CCDC88A: variants seen among roughly 807,000 people sequenced by gnomAD.
CCDC88A encodes coiled-coil and HOOK domain protein 88A.
A neutral mutation model predicts 234.3 loss-of-function variants in CCDC88A; 54 were observed. The observed-to-expected ratio is 0.23, with a 90% CI of 0.19 to 0.29. CCDC88A has a LOEUF of 0.29. Ranked by LOEUF, CCDC88A falls within the 10% of genes least tolerant of loss-of-function variation. The probability of loss-of-function intolerance (pLI) is 1.00; values close to 1 mark genes in which losing one functional copy is unlikely to be tolerated. For synonymous variants in CCDC88A, 753 were observed against 737.8 expected, an observed-to-expected ratio of 1.02 and a Z score of -0.33; for missense variants, 1,832 against 2,123.4, an observed-to-expected ratio of 0.86 and a Z score of 2.70.
At chr2:55,346,382 T>A (rs372470722) in intron 9 of CCDC88A, 49 bp from the exon 10 acceptor site, 3 of 1,007,722 alleles carry the variant, frequency 3.0e-6, no homozygotes, top group South Asian at 1.7e-5. Context: ...GTTATCAACT[T>A]GTTATTCTTT....
chr2:55,357,181 C>T (rs1036851593), intron 7 of CCDC88A, among the ~76,000 whole-genome samples: 4 of 152,184 alleles, frequency 2.6e-5, no homozygotes, highest in South Asian at 2.1e-4. Context: ...TCCATAATCA[C>T]ACAACTAGCT....
At position 55,333,710 on chromosome 2, in the gene CCDC88A, T is replaced by C. The variant is rs569626079; in HGVS notation, c.2727+384A>G. Among the ~76,000 whole-genome samples the C allele has an allele frequency of 7.9e-5, 12 of 152,238 alleles. No individual in the cohort carries two copies. In the South Asian group the frequency reaches 2.3e-3, roughly 29 times the overall value. On this transcript the variant is annotated intron_variant, in intron 15 of 32. Transcript: ENST00000436346. The stretch of plus-strand genomic sequence containing the variant: ...TGTGTGTATATATTATTTATGTATA[T>C]ACAACTTATATGAAGTTTTTAGCCC...
Position 55,317,942 on chromosome 2 carries a change from CA to C in CCDC88A, c.3325-102del. 1 of 813,626 alleles carries C rather than the reference CA, an allele frequency of 1.2e-6. No homozygotes were observed. The highest frequency in any genetic ancestry group is 2.6e-5 in the East Asian group (1 of 38,770). The allele number at this position is 813,626 out of a possible 1,614,324, so 50.4% of individuals were successfully genotyped here. A position where few individuals can be genotyped will look rare whatever the true frequency, so the allele number is the denominator to read the frequency against. The stretch of plus-strand genomic sequence containing the variant: ...TAATTAAAGAAAGCTCTAAATGAAT[CA>C]CAGCACACATATTTACATTATACTG... On this transcript the variant is annotated intron_variant, in intron 19 of 32. Transcript: ENST00000436346. The surrounding 1 kb of genome is among the most constrained non-coding windows in gnomAD (Gnocchi z 4.2).
At chr2:55,306,461 ATGTGTGTATATGTACATATATATACCTG>A (rs1681578942) in intron 25 of CCDC88A, among the ~76,000 whole-genome samples, 1 of 152,120 alleles carries the variant, frequency 6.6e-6, no homozygotes, top group African/African-American at 2.4e-5. Flanking sequence ...ATATACATAT[ATGTGTGTATATGTACATATATATACCTG>A]TGTGTGTATA....
At chr2:55,378,794 G>C (rs575863661) in intron 3 of CCDC88A, among the ~76,000 whole-genome samples, 1 of 149,930 alleles carries the variant, frequency 6.7e-6, no homozygotes, top group Non-Finnish European at 1.5e-5. Flanking sequence ...CACCCAGGCT[G>C]GAGTGCAGTG....
chr2:55,380,654 C>T (rs1232507951), intron 3 of CCDC88A, among the ~76,000 whole-genome samples: 1 of 152,082 alleles, frequency 6.6e-6, no homozygotes, highest in African/African-American at 2.4e-5. Flanking sequence ...CTTGCTCTGT[C>T]ACCCAGGCCA....
intron 23 of CCDC88A, among the ~76,000 whole-genome samples, chr2:55,312,030 T>G (rs973137715): frequency 1.3e-5 from 2 of 152,100 alleles, no homozygotes; most frequent in Non-Finnish European, 2.9e-5. Flanking sequence ...GTATTGCAGC[T>G]CTCCTGGGCT....
rs745852507 is a variant in CCDC88A at position 55,335,052 on chromosome 2, T to C, written c.1769A>G (p.Lys590Arg). 5.0e-6 allele frequency: 8 copies of C among 1,611,792 alleles called. No individual in the cohort carries two copies. The South Asian group carries it at 5.5e-5, about 11-fold the overall frequency. The change falls in exon 15 of 33, where the codon AAA (lysine) becomes AGA (arginine). Residue 590 changes from lysine (K) to arginine (R), a missense_variant. Lys to Arg is a conservative substitution (Grantham distance 26, BLOSUM62 2). Around this residue, in one of 6 missense-constraint regions of CCDC88A, gnomAD observed 1,282 missense variants for 1,543.6 expected, o/e 0.83. Coordinates refer to ENST00000436346, the MANE Select transcript of CCDC88A (RefSeq NM_001365480.1). This position sits in a 1 kb window ranked among gnomAD's most constrained non-coding sequence, Gnocchi z 4.5. ...ARVKDIEKEN[K>R]ILHESIKETS... ...TTCTTTGATAGATTCATGAAGAATT[T>C]TGTTTTCTTTTTCAATGTCTTTCAC... is the stretch of plus-strand genomic sequence containing the variant.
chr2:55,393,791 G>A (rs2045132), intron 2 of CCDC88A, among the ~76,000 whole-genome samples: 130,709 of 152,046 alleles, frequency 0.86, 56,620 homozygotes, highest in Admixed American at 0.93. Flanking sequence ...AATGGAGACA[G>A]CAGATATCCT....
At chr2:55,359,533 G>A (rs1356347792) in intron 7 of CCDC88A, among the ~76,000 whole-genome samples, 1 of 151,346 alleles carries the variant, frequency 6.6e-6, no homozygotes, top group Admixed American at 6.6e-5. Context: ...AAAATAATCT[G>A]ACGGGAAATG....
intron 2 of CCDC88A, among the ~76,000 whole-genome samples, chr2:55,407,215 A>AG (rs1248677215): frequency 6.6e-6 from 1 of 151,922 alleles, no homozygotes; most frequent in Non-Finnish European, 1.5e-5. Context: ...CCCTGTCTCA[A>AG]GAAAAAAAAA....
chr2:55,299,803 G>T (rs773552690), intron 29 of CCDC88A, 36 bp downstream of exon 29: 4 of 1,363,220 alleles, frequency 2.9e-6, no homozygotes, highest in Non-Finnish European at 4.2e-6. Flanking sequence ...TACTGGAAAT[G>T]GATAGAGCGC....
chr2:55,390,900 G>A (rs1284003070), intron 2 of CCDC88A, among the ~76,000 whole-genome samples: 1 of 152,084 alleles, frequency 6.6e-6, no homozygotes, highest in Admixed American at 6.5e-5. Context: ...AGGACTTTGG[G>A]AAGCTAAAAC....
rs377702487 is a variant in CCDC88A, at chr2:55,317,094, A to G, written c.3746+112T>C. The G allele has an allele frequency of 4.5e-4, 162 of 361,000 alleles. No homozygotes were observed. Among genetic ancestry groups the G allele is most frequent in the African/African-American group, 3.2e-3 (152 of 46,852 alleles). The allele number at this position is 361,000 out of a possible 1,614,324, so 22.4% of individuals were successfully genotyped here. ...GCTTGGTACTACAAAGGGGCAGTAT[A>G]TAGTTTGGATGTAAGAAATAATACA... On this transcript the variant is annotated intron_variant, in intron 21 of 32. Coordinates refer to ENST00000436346, the MANE Select transcript of CCDC88A (RefSeq NM_001365480.1). This position sits in a 1 kb window ranked among gnomAD's most constrained non-coding sequence, Gnocchi z 4.2.
intron 15 of CCDC88A, among the ~76,000 whole-genome samples, chr2:55,333,715 C>G: frequency 6.6e-6 from 1 of 151,808 alleles, no homozygotes; most frequent in East Asian, 1.9e-4. Flanking sequence ...GTATATACAA[C>G]TTATATGAAG....
At chr2:55,407,165 G>C (rs1218519608) in intron 2 of CCDC88A, among the ~76,000 whole-genome samples, 1 of 151,018 alleles carries the variant, frequency 6.6e-6, no homozygotes, top group African/African-American at 2.5e-5. Context: ...AGTGAGCTGT[G>C]ATCATGCCAC....
At chr2:55,322,394 G>T in intron 18 of CCDC88A, 134 bp downstream of exon 18, 1 of 581,294 alleles carries the variant, frequency 1.7e-6, no homozygotes, top group East Asian at 2.9e-5. Context: ...ATAGAAAAAG[G>T]ACTATATGAC....
intron 13 of CCDC88A, chr2:55,337,027 G>C: frequency 2.7e-6 from 1 of 368,154 alleles, no homozygotes; most frequent in Non-Finnish European, 4.8e-6. Flanking sequence ...TTATCCTTGT[G>C]CATCTTTTGG....
At chr2:55,297,628 CTG>C (rs2104558847) in intron 29 of CCDC88A, among the ~76,000 whole-genome samples, 1 of 151,092 alleles carries the variant, frequency 6.6e-6, no homozygotes, top group South Asian at 2.1e-4. Context: ...CCAGGTTGGT[CTG>C]TAACTCCTGA....
Sources: allele counts gnomAD v4.1 joint callset (sites outside exome capture counted in the v4.1 genomes callset), GRCh38; gene constraint gnomAD v4.1.1; regional missense constraint gnomAD v4.1.1; non-coding constraint Gnocchi (gnomAD v3.1); transcripts MANE v1.5; gene names NCBI Gene and HGNC (gene_info 2026-07-23, HGNC 2026-07-21).